DDX6: variants seen among roughly 807,000 people sequenced by gnomAD.
DDX6 encodes DEAD-box helicase 6, also known as probable ATP-dependent RNA helicase DDX6.
A neutral mutation model predicts 60.6 loss-of-function variants in DDX6; 7 were observed. The observed-to-expected ratio is 0.12, with a 90% confidence interval of 0.07 to 0.22. The LOEUF (loss-of-function observed/expected upper bound fraction) is 0.22. Among genes scored for constraint, DDX6 ranks in the 10% least tolerant of loss-of-function variants. DDX6 has a pLI of 1.00. For missense variants in DDX6, 270 were observed against 589.9 expected, an observed-to-expected ratio of 0.46 and a Z score of 5.62; for synonymous variants, 207 against 201.0, an observed-to-expected ratio of 1.03 and a Z score of -0.25.
rs36063767 is a variant in DDX6, at chr11:118,751,067, G to GTA, written c.*1036_*1037dup. On this transcript the variant is annotated 3_prime_UTR_variant, in exon 14 of 14. Transcript: ENST00000534980. ...CATCCAAAAAAAAATATATATATATGTATATATATATATATATATGAACCC... is the reference window on the plus strand; with the variant it reads ...CATCCAAAAAAAAATATATATATATGTATATATATATATATATATATGAACCC... 40,734 of 139,924 alleles carry GTA rather than the reference G, an allele frequency of 0.29. 5,817 individuals carry two copies. Among genetic ancestry groups the GTA allele is most frequent in the South Asian group, 0.35 (1,560 of 4,462 alleles). 8.7% of individuals were successfully genotyped at this position (139,924 alleles called of 1,614,324 possible). A position where few individuals can be genotyped will look rare whatever the true frequency, so the allele number is the denominator to read the frequency against.
At chr11:118,761,140 C>CA (rs1273255238) in intron 7 of DDX6, among the ~76,000 whole-genome samples, 11 of 151,502 alleles carry the variant, frequency 7.3e-5, no homozygotes, top group Admixed American at 5.3e-4. Flanking sequence ...GACTCTGTCT[C>CA]AAAAAAAAGT....
chr11:118,779,262 TAA>T (rs1861807062), intron 4 of DDX6, among the ~76,000 whole-genome samples: 1 of 151,568 alleles, frequency 6.6e-6, no homozygotes, highest in Non-Finnish European at 1.5e-5. Flanking sequence ...CGCTAATGAC[TAA>T]AAAAGACATA....
At chr11:118,762,266 T>A (rs1555160371) in intron 7 of DDX6, among the ~76,000 whole-genome samples, 1 of 107,920 alleles carries the variant, frequency 9.3e-6, no homozygotes, top group African/African-American at 3.2e-5. Flanking sequence ...ACAGAGTGAG[T>A]CTGTCTCAAA....
At chr11:118,756,236 T>A in intron 11 of DDX6, 24 bp downstream of exon 11, 7 of 1,606,392 alleles carry the variant, frequency 4.4e-6, no homozygotes, top group Non-Finnish European at 6.0e-6. Flanking sequence ...AAACACTGGG[T>A]AAAGGAAATA....
intron 6 of DDX6, 80 bp from the exon 7 acceptor site, chr11:118,763,386 C>A: frequency 9.5e-7 from 1 of 1,051,976 alleles, no homozygotes; most frequent in Non-Finnish European, 1.5e-6. Flanking sequence ...TATTACAGTC[C>A]TGAGCTGCTT....
chr11:118,769,988 G>A (rs535181442), intron 4 of DDX6, among the ~76,000 whole-genome samples: 64 of 151,150 alleles, frequency 4.2e-4, no homozygotes, highest in African/African-American at 1.5e-3. Context: ...GATTACAGGC[G>A]TGAGCCAGCG....
intron 4 of DDX6, among the ~76,000 whole-genome samples, chr11:118,768,987 C>CTAAAAAA (rs1555161848): frequency 2.5e-5 from 1 of 39,976 alleles, no homozygotes; most frequent in African/African-American, 1.0e-4. Context: ...CGTCTCATCT[C>CTAAAAAA]AAAAAAAAAA....
At chr11:118,757,595 A>T (rs1024596446) in intron 9 of DDX6, among the ~76,000 whole-genome samples, 5 of 149,606 alleles carry the variant, frequency 3.3e-5, no homozygotes, top group African/African-American at 4.9e-5. Flanking sequence ...ATTTTATTTT[A>T]TTTTTTTTTT....
At position 118,777,617 on chromosome 11, in the gene DDX6, C is replaced by T. The variant is rs563701030; in HGVS notation, c.369+2015G>A. ...CAAAAAGCAAGAAAGGGGCCGGGTA[C>T]GATGGCTCACATCTATAATCCCAGC... On this transcript the variant is annotated intron_variant, in intron 4 of 13. Transcript: ENST00000534980. Among the ~76,000 whole-genome samples, 8 of 152,158 alleles carry T rather than the reference C, an allele frequency of 5.3e-5. No homozygotes were observed. The South Asian group carries it at 1.2e-3, about 24-fold the overall frequency.
chr11:118,784,756 C>CT (rs779425136), intron 2 of DDX6, among the ~76,000 whole-genome samples: 4,575 of 134,918 alleles, frequency 0.034, 120 homozygotes, highest in Non-Finnish European at 0.044. Flanking sequence ...CGCACCTGGC[C>CT]TTTTTTTTTT....
intron 10 of DDX6, among the ~76,000 whole-genome samples, 155 bp from the exon 11 acceptor site, chr11:118,756,478 T>C (rs886479047): frequency 6.6e-6 from 1 of 152,238 alleles, no homozygotes; most frequent in African/African-American, 2.4e-5. Flanking sequence ...GTTAAGTTCT[T>C]GATATCTTCG....
chr11:118,764,733 G>A (rs1339360252), intron 6 of DDX6, among the ~76,000 whole-genome samples: 1 of 151,612 alleles, frequency 6.6e-6, no homozygotes, highest in African/African-American at 2.4e-5. Context: ...GAACCTGGGA[G>A]GCGGAGATTG....
intron 1 of DDX6, chr11:118,787,543 GA>G (rs1862117756): frequency 6.6e-6 from 1 of 152,104 alleles, no homozygotes; most frequent in East Asian, 1.9e-4. Context: ...ACCTGTAATG[GA>G]GTCCCAGCTA....
chr11:118,785,996 T>C (rs1338761605), intron 2 of DDX6, 56 bp downstream of exon 2: 7 of 1,536,272 alleles, frequency 4.6e-6, no homozygotes, highest in Non-Finnish European at 6.2e-6. Context: ...AACACCAAAG[T>C]AACACAAATC....
chr11:118,757,014 T>C (rs1448867672), intron 10 of DDX6, among the ~76,000 whole-genome samples, 157 bp downstream of exon 10: 3 of 152,196 alleles, frequency 2.0e-5, no homozygotes, highest in Admixed American at 1.3e-4. Context: ...CCTATTTTAT[T>C]GCTAGAAAAT....
chr11:118,776,375 AAGG>A (rs1212434301), intron 4 of DDX6, among the ~76,000 whole-genome samples: 2 of 152,128 alleles, frequency 1.3e-5, no homozygotes, highest in Non-Finnish European at 2.9e-5. Context: ...CCAATTTATG[AAGG>A]AGTAGAGCTG....
intron 4 of DDX6, among the ~76,000 whole-genome samples, chr11:118,776,065 G>A (rs782380850): frequency 3.3e-5 from 5 of 152,118 alleles, no homozygotes; most frequent in Admixed American, 6.5e-5. Flanking sequence ...TATCACGTGA[G>A]CCCAGGAGTT....
intron 9 of DDX6, among the ~76,000 whole-genome samples, chr11:118,758,227 GAAT>G (rs1861043822): frequency 6.6e-6 from 1 of 152,102 alleles, no homozygotes; most frequent in African/African-American, 2.4e-5. Flanking sequence ...CAGAATATGT[GAAT>G]AATGAGGATT....
At position 118,749,258 on chromosome 11, in the gene DDX6, ATAT is replaced by A. The variant is rs1219266024; in HGVS notation, c.*2844_*2846del. On this transcript the variant is annotated 3_prime_UTR_variant, in exon 14 of 14. Transcript: ENST00000534980. ...TCTCATCCAAATGAGCCACTGGAAA[ATAT>A]TATCATTACTTAAAAAAATACATAT... is the stretch of plus-strand genomic sequence containing the variant. 61 of 150,886 alleles carry A rather than the reference ATAT, an allele frequency of 4.0e-4. No individual in the cohort carries two copies. Among genetic ancestry groups the A allele is most frequent in the African/African-American group, 1.3e-3 (54 of 41,302 alleles). The allele number at this position is 150,886 out of a possible 1,614,324, so 9.3% of individuals were successfully genotyped here. A position where few individuals can be genotyped will look rare whatever the true frequency, so the allele number is the denominator to read the frequency against.
Sources: allele counts gnomAD v4.1 joint callset (sites outside exome capture counted in the v4.1 genomes callset), GRCh38; gene constraint gnomAD v4.1.1; transcripts MANE v1.5; gene names NCBI Gene and HGNC (gene_info 2026-07-23, HGNC 2026-07-21).